The following SGCD variants were observed in gnomAD, a reference collection of about 807,000 sequenced individuals.
The protein encoded by SGCD is sarcoglycan delta, also known as delta-sarcoglycan.
SGCD carries 18 observed loss-of-function variants against 36.6 expected under a neutral mutation model. That is an observed-to-expected ratio of 0.49 (90% confidence interval 0.34 to 0.73). The LOEUF (loss-of-function observed/expected upper bound fraction) is 0.73. Among genes scored for constraint, SGCD ranks in the 30% least tolerant of loss-of-function variants. SGCD has a pLI of 0.01. For missense variants in SGCD, 387 were observed against 346.7 expected (o/e 1.12, Z -0.92); for synonymous variants, 133 against 130.6 (o/e 1.02, Z -0.12).
chr5:155,836,059 T>G, the SGCD span, among the ~76,000 whole-genome samples: 2 of 152,220 alleles, frequency 1.3e-5, no homozygotes, highest in Non-Finnish European at 2.9e-5. Context: ...AGGGATCTAC[T>G]GTATAGTCAA....
At chr5:156,474,356 C>T (rs1301474581) in intron 3 of SGCD, among the ~76,000 whole-genome samples, 2 of 152,200 alleles carry the variant, frequency 1.3e-5, no homozygotes, top group Non-Finnish European at 2.9e-5. Context: ...CCCAGGCACT[C>T]TAGGCTGTGC....
intron 3 of SGCD, among the ~76,000 whole-genome samples, chr5:156,307,550 C>CTGT (rs1179210772): frequency 0.024 from 1,719 of 71,496 alleles, 77 homozygotes; most frequent in Middle Eastern, 0.051. Flanking sequence ...TACATTTTAA[C>CTGT]TGTTGTTTTT....
At chr5:155,910,197 C>T (rs765997266) in intron 1 of SGCD, among the ~76,000 whole-genome samples, 27 of 151,882 alleles carry the variant, frequency 1.8e-4, no homozygotes, top group African/African-American at 3.4e-4. Context: ...CCAATGTCCT[C>T]GACTAACATA....
chr5:156,576,981 A>C (rs1465156917), intron 4 of SGCD, among the ~76,000 whole-genome samples: 1 of 152,132 alleles, frequency 6.6e-6, no homozygotes, highest in Non-Finnish European at 1.5e-5. Context: ...TTTAGACATG[A>C]AGTCCTTGCC....
chr5:156,530,800 G>A (rs1478747426), intron 4 of SGCD, among the ~76,000 whole-genome samples: 4 of 151,728 alleles, frequency 2.6e-5, no homozygotes, highest in Admixed American at 1.3e-4. Flanking sequence ...GACTGGTCTC[G>A]AACTCCTGAC....
intron 3 of SGCD, among the ~76,000 whole-genome samples, chr5:156,140,928 C>A (rs1250146843): frequency 6.6e-6 from 1 of 152,104 alleles, no homozygotes; most frequent in African/African-American, 2.4e-5. Flanking sequence ...GCCAAGAGTG[C>A]CAGGGCCCTG....
chr5:156,044,823 T>A (rs920843071), intron 1 of SGCD, among the ~76,000 whole-genome samples: 14 of 152,010 alleles, frequency 9.2e-5, no homozygotes, highest in African/African-American at 3.1e-4. Flanking sequence ...AAACCATAAG[T>A]TTGTGTATAT....
chr5:156,613,440 A>C (rs1168957596), intron 6 of SGCD, among the ~76,000 whole-genome samples: 1 of 152,254 alleles, frequency 6.6e-6, no homozygotes. Context: ...AGTATTACAC[A>C]GCCCTTTTCA....
intron 3 of SGCD, among the ~76,000 whole-genome samples, chr5:156,376,477 T>C (rs1409795721): frequency 6.6e-6 from 1 of 152,210 alleles, no homozygotes; most frequent in Non-Finnish European, 1.5e-5. Flanking sequence ...CAGAAGTCTA[T>C]AATCATGCAT....
At chr5:155,864,666 C>T in the SGCD span, among the ~76,000 whole-genome samples, 25 of 152,306 alleles carry the variant, frequency 1.6e-4, no homozygotes, top group South Asian at 4.1e-4. Context: ...TAAGCACCTA[C>T]TAAATACCCA....
At chr5:156,198,315 T>C (rs1264132140) in intron 3 of SGCD, among the ~76,000 whole-genome samples, 1 of 152,162 alleles carries the variant, frequency 6.6e-6, no homozygotes, top group Non-Finnish European at 1.5e-5. Context: ...CGATGATTGT[T>C]ATGTTCACAT....
At chr5:156,741,564 G>A (rs1756674833) in intron 7 of SGCD, among the ~76,000 whole-genome samples, 1 of 149,598 alleles carries the variant, frequency 6.7e-6, no homozygotes, top group Non-Finnish European at 1.5e-5. Context: ...TCGTAAACCT[G>A]GGAGAGATGA....
intron 3 of SGCD, among the ~76,000 whole-genome samples, chr5:156,499,603 T>C (rs1315229415): frequency 6.6e-6 from 1 of 152,054 alleles, no homozygotes; most frequent in Non-Finnish European, 1.5e-5. Flanking sequence ...GGGAAGAGTA[T>C]TGCTGGCCAA....
chr5:156,106,237 T>C (rs1413301321), intron 1 of SGCD, among the ~76,000 whole-genome samples: 1 of 150,776 alleles, frequency 6.6e-6, no homozygotes, highest in East Asian at 2.0e-4. Flanking sequence ...AAAACCAGAA[T>C]TGAAATCATT....
At chr5:155,929,508 T>G (rs1448180119) in intron 1 of SGCD, among the ~76,000 whole-genome samples, 1 of 152,168 alleles carries the variant, frequency 6.6e-6, no homozygotes, top group Non-Finnish European at 1.5e-5. Flanking sequence ...CACATCACAT[T>G]TACCTTCCAC....
intron 3 of SGCD, among the ~76,000 whole-genome samples, chr5:156,138,546 C>A (rs1762510082): frequency 6.6e-6 from 1 of 152,218 alleles, no homozygotes; most frequent in Admixed American, 6.5e-5. Flanking sequence ...CATTTTACTT[C>A]TCACCAGCAT....
At chr5:156,093,342 G>C (rs1282436238) in intron 1 of SGCD, among the ~76,000 whole-genome samples, 3 of 152,166 alleles carry the variant, frequency 2.0e-5, no homozygotes, top group African/African-American at 7.2e-5. Context: ...CTGGGAAGAG[G>C]CCATTCCCAG....
chr5:155,902,610 G>C (rs973654808), intron 1 of SGCD, among the ~76,000 whole-genome samples: 2 of 152,094 alleles, frequency 1.3e-5, no homozygotes, highest in Non-Finnish European at 2.9e-5. Context: ...GTTATTCTGT[G>C]ACCACAGCTT....
At chr5:156,421,911 G>A (rs1367770018) in intron 3 of SGCD, among the ~76,000 whole-genome samples, 3 of 151,976 alleles carry the variant, frequency 2.0e-5, no homozygotes, top group African/African-American at 4.8e-5. Flanking sequence ...TGTGCCCTCC[G>A]GAAATTACAG....
Sources: gnomAD v4.1 joint callset for allele counts (sites outside exome capture counted in the v4.1 genomes callset) on GRCh38, gnomAD v4.1.1 for gene constraint, MANE v1.5 for transcripts, NCBI Gene and HGNC (gene_info 2026-07-23, HGNC 2026-07-21) for gene names.